The following EREG variants were observed in gnomAD, a reference collection of about 807,000 sequenced individuals.
The protein encoded by EREG is proepiregulin.
EREG carries 23 observed loss-of-function variants against 22.4 expected under a neutral mutation model. That is an observed-to-expected ratio of 1.03 (90% CI 0.74 to 1.46). EREG has a LOEUF of 1.46. Among genes scored for constraint, EREG ranks in the 40% most tolerant of loss-of-function variants. The pLI is 0.00. For missense variants in EREG, 226 were observed against 205.9 expected (o/e 1.10, Z -0.60); for synonymous variants, 100 against 75.4 (o/e 1.33, Z -1.69).
chr4:74,366,755 T>C (rs529248092), intron 1 of EREG, among the ~76,000 whole-genome samples: 1 of 152,162 alleles, frequency 6.6e-6, no homozygotes. Flanking sequence ...CTAGTGTGTG[T>C]GTTGTGTGTG....
chr4:74,381,183 T>C, intron 3 of EREG, 46 bp downstream of exon 3: 1 of 1,582,482 alleles, frequency 6.3e-7, no homozygotes, highest in South Asian at 1.2e-5. Context: ...AATTTTGTTT[T>C]ATAGATTTAG....
At chr4:74,382,859 C>G in intron 4 of EREG, 65 bp downstream of exon 4, 1 of 1,218,852 alleles carries the variant, frequency 8.2e-7, no homozygotes, top group Non-Finnish European at 1.2e-6. Flanking sequence ...GACCTATAAA[C>G]TGGGTAAAAA....
intron 1 of EREG, among the ~76,000 whole-genome samples, chr4:74,372,658 T>C (rs145320112): frequency 3.5e-4 from 53 of 152,214 alleles, no homozygotes; most frequent in African/African-American, 1.3e-3. Flanking sequence ...TTATGTAAGA[T>C]TGTCTTGAGA....
chr4:74,380,263 C>A (rs1214275223), intron 2 of EREG, among the ~76,000 whole-genome samples: 1 of 109,948 alleles, frequency 9.1e-6, no homozygotes, highest in Non-Finnish European at 2.0e-5. Context: ...GCCTCCTCCG[C>A]ATCATCTTTT....
chr4:74,369,092 G>A (rs140496312), intron 1 of EREG, among the ~76,000 whole-genome samples: 2 of 152,018 alleles, frequency 1.3e-5, no homozygotes, highest in Non-Finnish European at 2.9e-5. Context: ...AGAAAAAAAT[G>A]GATTTTTTAA....
At chr4:74,376,917 G>A (rs945837092) in intron 1 of EREG, among the ~76,000 whole-genome samples, 1 of 152,164 alleles carries the variant, frequency 6.6e-6, no homozygotes, top group African/African-American at 2.4e-5. Context: ...TGATGCCGAT[G>A]TGTAATTTAC....
chr4:74,376,134 T>C (rs562498609), intron 1 of EREG, among the ~76,000 whole-genome samples: 118 of 152,188 alleles, frequency 7.8e-4, no homozygotes, highest in Non-Finnish European at 6.0e-4. Flanking sequence ...TAACAACTAC[T>C]AAAAACCTTT....
chr4:74,382,309 C>A (rs1752492618), intron 3 of EREG: 2 of 183,156 alleles, frequency 1.1e-5, no homozygotes, highest in Non-Finnish European at 2.3e-5. Flanking sequence ...CTCAAAAAAA[C>A]CAAACAGACA....
At chr4:74,384,268 C>T (rs1435049562) in intron 4 of EREG, among the ~76,000 whole-genome samples, 1 of 151,982 alleles carries the variant, frequency 6.6e-6, no homozygotes, top group Non-Finnish European at 1.5e-5. Flanking sequence ...AATTGTAGGT[C>T]ACCAAATTAG....
rs772846778 is a variant in EREG, at chr4:74,380,994, A to G, written c.155-20A>G. 8.7e-6 allele frequency: 14 copies of G among 1,609,354 alleles called. No individual in the cohort carries two copies. The highest frequency in any genetic ancestry group is 2.2e-5 in the East Asian group (1 of 44,772). On this transcript the variant is annotated intron_variant, in intron 2 of 4. Coordinates refer to ENST00000244869, the MANE Select transcript of EREG (RefSeq NM_001432.3). ...CCATGAAGGCTGCAGAATATATTCA[A>G]CTTTCCACTTCTTTTACAGTTCAGA... is the stretch of plus-strand genomic sequence containing the variant.
At chr4:74,382,827 C>T (rs2367708) in intron 4 of EREG, 33 bp downstream of exon 4, 1,227,881 of 1,552,112 alleles carry the variant, frequency 0.79, 487,135 homozygotes, top group African/African-American at 0.87. Context: ...TCTGCTTTTA[C>T]AAATTACTTT....
chr4:74,373,089 T>C (rs760303318), intron 1 of EREG, among the ~76,000 whole-genome samples: 9 of 151,362 alleles, frequency 5.9e-5, no homozygotes, highest in Non-Finnish European at 1.3e-4. Context: ...TGCTGGGTTG[T>C]ACTCTTTACA....
chr4:74,370,537 G>A lies in EREG; in HGVS notation c.67+5162G>A, dbSNP rs544381153. ...TGTTGTTTCTGATGAAGTCTAATAA[G>A]TTTTCTTCTCTCTCTTTCACATTTT... is the stretch of plus-strand genomic sequence containing the variant. On this transcript the variant is annotated intron_variant, in intron 1 of 4. Coordinates refer to ENST00000244869, the MANE Select transcript of EREG (RefSeq NM_001432.3). 9.2e-5 allele frequency among the ~76,000 whole-genome samples: 14 copies of A among 152,112 alleles called. No individual in the cohort carries two copies. The East Asian group carries it at 2.7e-3, about 29-fold the overall frequency.
rs376236920 is a variant in EREG, at chr4:74,384,737, C to G, written c.439C>G (p.Arg147Gly). The change falls in exon 5 of 5, where the codon CGA (arginine) becomes GGA (glycine). Residue 147 changes from arginine (R) to glycine (G), a missense_variant. Physicochemically the swap from Arg to Gly is moderately radical, Grantham distance 125. Coordinates refer to ENST00000244869, the MANE Select transcript of EREG (RefSeq NM_001432.3). Reference protein sequence around the residue: ...TYYFCRWYRNRKSKEPKKEYE... With the variant: ...TYYFCRWYRNGKSKEPKKEYE... The stretch of plus-strand genomic sequence containing the variant: ...TGTGAATATTTCCAGGTACAGAAAT[C>G]GAAAAAGTAAAGAACCAAAGAAGGA... 2.5e-6 allele frequency: 4 copies of G among 1,608,994 alleles called. No homozygotes were observed. Among genetic ancestry groups the G allele is most frequent in the Non-Finnish European group, 2.6e-6 (3 of 1,175,836 alleles).
At position 74,386,741 on chromosome 4, in the gene EREG, C is replaced by T. The variant is rs2110391382; in HGVS notation, c.*1933C>T. ...TTCAACCAACCAAGGACGGAAAATG[C>T]TTAAAAAATAATACAACAACAACAA... On this transcript the variant is annotated 3_prime_UTR_variant, in exon 5 of 5. Transcript: ENST00000244869. The T allele has an allele frequency of 6.6e-6, 1 of 152,034 alleles. No homozygotes were observed. The highest frequency in any genetic ancestry group is 1.9e-4 in the East Asian group (1 of 5,190). 9.4% of individuals were successfully genotyped at this position (152,034 alleles called of 1,614,324 possible).
intron 1 of EREG, among the ~76,000 whole-genome samples, chr4:74,377,833 G>C (rs1359543475): frequency 6.6e-6 from 1 of 152,134 alleles, no homozygotes; most frequent in Non-Finnish European, 1.5e-5. Context: ...AGAACAGCAT[G>C]CAGGAAACTA....
intron 1 of EREG, among the ~76,000 whole-genome samples, chr4:74,375,827 T>C (rs976590457): frequency 6.6e-6 from 1 of 152,224 alleles, no homozygotes; most frequent in East Asian, 1.9e-4. Flanking sequence ...GAATTAATTT[T>C]GCTGTTTTCT....
rs1268508146 is a variant in EREG at position 74,382,631 on chromosome 4, G to A, written c.279-14G>A. 6 of 1,553,198 alleles carry A rather than the reference G, an allele frequency of 3.9e-6. No homozygotes were observed. The highest frequency in any genetic ancestry group is 4.3e-6 in the Non-Finnish European group (5 of 1,151,262). ...TAAGTAACTGATCTTTCTTTCTTCC[G>A]TATTTTCCTTCAGGTGTGAAGTGGG... On this transcript the variant is annotated splice_polypyrimidine_tract_variant and intron_variant, in intron 3 of 4. Coordinates refer to ENST00000244869, the MANE Select transcript of EREG (RefSeq NM_001432.3).
intron 1 of EREG, among the ~76,000 whole-genome samples, chr4:74,377,158 GAAA>G (rs57339854): frequency 0.13 from 10,178 of 78,072 alleles, 551 homozygotes; most frequent in African/African-American, 0.24. Context: ...AGCCATTTCA[GAAA>G]AAAAAAAAAA....
Sources: allele counts gnomAD v4.1 joint callset (sites outside exome capture counted in the v4.1 genomes callset), GRCh38; gene constraint gnomAD v4.1.1; transcripts MANE v1.5; gene names NCBI Gene and HGNC (gene_info 2026-07-23, HGNC 2026-07-21).